Variants in ARPP21 observed in about 807,000 individuals in gnomAD.
ARPP21 encodes the protein cAMP-regulated phosphoprotein 21.
In ARPP21, 69 loss-of-function variants were observed where a neutral mutation model predicts 113.2. The ratio of observed to expected loss-of-function variants is 0.61; its 90% CI spans 0.50 to 0.74. The LOEUF is 0.74. Among genes scored for constraint, ARPP21 ranks in the 30% least tolerant of loss-of-function variants. ARPP21 has a pLI of 0.00. For synonymous variants in ARPP21, 368 were observed against 375.5 expected, an observed-to-expected ratio of 0.98 and a Z score of 0.23; for missense variants, 1,070 against 1,037.4, an observed-to-expected ratio of 1.03 and a Z score of -0.43.
At chr3:35,656,565 T>A (rs1562501) in intron 1 of ARPP21, among the ~76,000 whole-genome samples, 109,438 of 151,820 alleles carry the variant, frequency 0.72, 39,666 homozygotes, top group African/African-American at 0.78. Context: ...CAATCTCAAG[T>A]CATTGCAGAC....
At chr3:35,707,313 A>G in intron 10 of ARPP21, 1 of 637,480 alleles carries the variant, frequency 1.6e-6, no homozygotes, top group East Asian at 3.0e-5. Flanking sequence ...GTTGGGCTGC[A>G]TGGGTGGTGC....
chr3:35,708,843 A>T, intron 10 of ARPP21, 126 bp from the exon 11 acceptor site: 7 of 668,852 alleles, frequency 1.0e-5, no homozygotes, highest in Non-Finnish European at 1.8e-5. Flanking sequence ...GGAAACAGAG[A>T]GAATGAGATT....
intron 19 of ARPP21, among the ~76,000 whole-genome samples, chr3:35,758,884 G>A (rs1428493859): frequency 6.6e-6 from 1 of 152,016 alleles, no homozygotes; most frequent in Non-Finnish European, 1.5e-5. Context: ...ATGCTTATGT[G>A]TGTGTGGGTG....
At chr3:35,749,520 T>C (rs553298625) in intron 19 of ARPP21, among the ~76,000 whole-genome samples, 197 of 151,900 alleles carry the variant, frequency 1.3e-3, no homozygotes, top group African/African-American at 4.5e-3. Context: ...AAGTTTGGTT[T>C]AGTGTCAGAG....
At chr3:35,784,016 A>G (rs943539760) in intron 19 of ARPP21, among the ~76,000 whole-genome samples, 3 of 152,128 alleles carry the variant, frequency 2.0e-5, no homozygotes, top group Non-Finnish European at 4.4e-5. Flanking sequence ...ATCCCTACAC[A>G]CAATAGAAGT....
At position 35,751,001 on chromosome 3, in the gene ARPP21, T is replaced by G. The variant is rs144269883; in HGVS notation, c.2137+7036T>G. Among the ~76,000 whole-genome samples the G allele has an allele frequency of 3.9e-5, 6 of 152,282 alleles. No homozygotes were observed. The East Asian group carries it at 1.2e-3, about 29-fold the overall frequency. ...ACTTTAGGTTTAGGTAGAGGAGTGATGAAGTTGACCGTTTACAAAGGACAG... is the reference window on the plus strand; with the variant it reads ...ACTTTAGGTTTAGGTAGAGGAGTGAGGAAGTTGACCGTTTACAAAGGACAG... On this transcript the variant is annotated intron_variant, in intron 19 of 20. Coordinates refer to ENST00000684406, the MANE Select transcript of ARPP21 (RefSeq NM_001385562.1).
At chr3:35,745,998 G>A (rs2095024400) in intron 19 of ARPP21, among the ~76,000 whole-genome samples, 1 of 152,206 alleles carries the variant, frequency 6.6e-6, no homozygotes, top group African/African-American at 2.4e-5. Flanking sequence ...TGCCTAGGGT[G>A]TCAAGGAAGT....
chr3:35,729,192 G>A (rs546867795), intron 14 of ARPP21, 111 bp from the exon 15 acceptor site: 37 of 698,260 alleles, frequency 5.3e-5, no homozygotes, highest in South Asian at 1.2e-4. Flanking sequence ...TACAGCATGC[G>A]TCTCAAATTC....
At chr3:35,717,386 G>GT (rs767912995) in intron 13 of ARPP21, 29 bp downstream of exon 13, 25 of 1,411,998 alleles carry the variant, frequency 1.8e-5, no homozygotes, top group Non-Finnish European at 2.0e-5. Flanking sequence ...CTTAAACTGT[G>GT]TTTTTTTCAA....
chr3:35,751,508 T>C (rs1175616593), intron 19 of ARPP21, among the ~76,000 whole-genome samples: 2 of 152,098 alleles, frequency 1.3e-5, no homozygotes, highest in Non-Finnish European at 2.9e-5. Flanking sequence ...AGTAGTAGAA[T>C]TGGAATTTCT....
At chr3:35,777,728 T>C (rs2096412926) in intron 19 of ARPP21, among the ~76,000 whole-genome samples, 1 of 152,184 alleles carries the variant, frequency 6.6e-6, no homozygotes, top group African/African-American at 2.4e-5. Context: ...CCCATTGTTA[T>C]CTATTTGATC....
At chr3:35,653,169 G>T (rs1048074278) in intron 1 of ARPP21, among the ~76,000 whole-genome samples, 14 of 152,034 alleles carry the variant, frequency 9.2e-5, no homozygotes, top group Admixed American at 2.0e-4. Context: ...AAGGGACTTT[G>T]TGTGCCTATG....
chr3:35,737,183 C>A lies in ARPP21; in HGVS notation c.1465C>A (p.Pro489Thr). 1 of 1,603,712 alleles carries A rather than the reference C, an allele frequency of 6.2e-7. No individual in the cohort carries two copies. The highest frequency in any genetic ancestry group is 8.5e-7 in the Non-Finnish European group (1 of 1,172,544). Residue 489 changes from proline (P) to threonine (T), a missense_variant, in exon 16 of 21, where the codon CCC (proline) becomes ACC (threonine). Transcript: ENST00000684406. ...AAGTTCTGATTCCATTGCAGGCCAG[C>A]CCTTTGTGAATCCCGATGGAACTCC... ...SILLNPHTGQ[P>T]FVNPDGTPAI...
intron 19 of ARPP21, among the ~76,000 whole-genome samples, chr3:35,746,801 T>C (rs2095083810): frequency 6.6e-6 from 1 of 152,214 alleles, no homozygotes. Context: ...TCTCCTACAT[T>C]CTTGCCAGAA....
At chr3:35,682,748 A>G (rs925797278) in intron 3 of ARPP21, 100 bp from the exon 4 acceptor site, 3 of 1,119,542 alleles carry the variant, frequency 2.7e-6, no homozygotes, top group Non-Finnish European at 3.7e-6. Flanking sequence ...CGGTAGTGAC[A>G]TTTTTCTCTC....
At chr3:35,692,521 C>T (rs2082545054) in intron 9 of ARPP21, among the ~76,000 whole-genome samples, 1 of 151,614 alleles carries the variant, frequency 6.6e-6, no homozygotes, top group South Asian at 2.1e-4. Flanking sequence ...TCATAGCAAA[C>T]ATGGAAAACT....
chr3:35,717,062 C>G (rs1238630093), intron 12 of ARPP21, among the ~76,000 whole-genome samples: 1 of 151,962 alleles, frequency 6.6e-6, no homozygotes, highest in East Asian at 1.9e-4. Context: ...CTCTTCTATT[C>G]CCTCTGCTTC....
At chr3:35,741,776 C>T (rs1261423801) in intron 18 of ARPP21, among the ~76,000 whole-genome samples, 1 of 152,134 alleles carries the variant, frequency 6.6e-6, no homozygotes, top group African/African-American at 2.4e-5. Flanking sequence ...CACCTCTCTC[C>T]TTTCAAACCT....
At chr3:35,672,949 A>T (rs929361919) in intron 1 of ARPP21, among the ~76,000 whole-genome samples, 3 of 152,120 alleles carry the variant, frequency 2.0e-5, no homozygotes, top group Non-Finnish European at 1.5e-5. Flanking sequence ...ACTCAGTAAA[A>T]GGTAGTTGTA....
Sources: gnomAD v4.1 joint callset for allele counts (sites outside exome capture counted in the v4.1 genomes callset) on GRCh38, gnomAD v4.1.1 for gene constraint, MANE v1.5 for transcripts, NCBI Gene and HGNC (gene_info 2026-07-23, HGNC 2026-07-21) for gene names.